The following DDHD1 variants were observed in gnomAD, a reference collection of about 807,000 sequenced individuals.
DDHD1 encodes the protein phospholipase DDHD1.
Under a neutral mutation model 96.4 loss-of-function variants are expected in DDHD1, and 49 were observed. The ratio of observed to expected loss-of-function variants is 0.51; its 90% CI spans 0.40 to 0.64. DDHD1 has a LOEUF of 0.64. Among genes scored for constraint, DDHD1 ranks in the 30% least tolerant of loss-of-function variants. DDHD1 has a pLI of 0.00. For synonymous variants in DDHD1, 442 were observed against 446.5 expected, an observed-to-expected ratio of 0.99 and a Z score of 0.13; for missense variants, 1,106 against 1,161.2, an observed-to-expected ratio of 0.95 and a Z score of 0.69.
intron 12 of DDHD1, 90 bp downstream of exon 12, chr14:53,051,754 A>T (rs1055386571): frequency 9.7e-7 from 1 of 1,030,024 alleles, no homozygotes; most frequent in Non-Finnish European, 1.4e-6. Flanking sequence ...GATCTCATAG[A>T]AGAACTGATC....
intron 1 of DDHD1, among the ~76,000 whole-genome samples, chr14:53,118,528 T>C (rs373905064): frequency 6.6e-6 from 1 of 152,140 alleles, no homozygotes; most frequent in Non-Finnish European, 1.5e-5. Context: ...TAAGCTTCAA[T>C]AGCCGATTCA....
chr14:53,083,280 T>A (rs1163536776), intron 4 of DDHD1, among the ~76,000 whole-genome samples: 1 of 152,222 alleles, frequency 6.6e-6, no homozygotes, highest in Non-Finnish European at 1.5e-5. Context: ...TGTGTTTAAC[T>A]GAAAACCTCT....
rs376587925 is a variant in DDHD1, at chr14:53,039,501, AG to A, written c.*7266del. On this transcript the variant is annotated 3_prime_UTR_variant, in exon 13 of 13. Coordinates refer to ENST00000673822, the MANE Select transcript of DDHD1 (RefSeq NM_001160148.2). ...TGCTGATTGAGCTGCTGGTGCTTAC[AG>A]GGACTCACACAAAGCAGAAAATAAT... is the stretch of plus-strand genomic sequence containing the variant. 21 of 152,346 alleles carry A rather than the reference AG, an allele frequency of 1.4e-4. No individual in the cohort carries two copies. Among genetic ancestry groups the A allele is most frequent in the African/African-American group, 5.1e-4 (21 of 41,450 alleles). The allele number at this position is 152,346 out of a possible 1,614,324, so 9.4% of individuals were successfully genotyped here. A position where few individuals can be genotyped will look rare whatever the true frequency, so the allele number is the denominator to read the frequency against.
chr14:53,134,677 A>G (rs959751122), intron 1 of DDHD1, among the ~76,000 whole-genome samples: 5 of 151,976 alleles, frequency 3.3e-5, no homozygotes, highest in African/African-American at 1.2e-4. Context: ...GGCCTGGTAT[A>G]TGACAACATA....
chr14:53,120,010 A>G (rs896663301), intron 1 of DDHD1, among the ~76,000 whole-genome samples: 2 of 152,180 alleles, frequency 1.3e-5, no homozygotes, highest in African/African-American at 4.8e-5. Flanking sequence ...AGGAAATCAA[A>G]TTGTCTCTGC....
At chr14:53,053,917 T>TG (rs1363412135) in intron 11 of DDHD1, 1 of 152,220 alleles carries the variant, frequency 6.6e-6, no homozygotes, top group African/African-American at 2.4e-5. Flanking sequence ...AACTATCCAT[T>TG]TATTTACTCA....
intron 7 of DDHD1, among the ~76,000 whole-genome samples, chr14:53,061,825 G>A (rs1165178910): frequency 1.3e-5 from 2 of 152,026 alleles, no homozygotes; most frequent in Non-Finnish European, 2.9e-5. Flanking sequence ...CTTAAGGTCA[G>A]GAGTTCAAGA....
At chr14:53,070,439 A>AT (rs1182434316) in intron 6 of DDHD1, among the ~76,000 whole-genome samples, 15 of 152,212 alleles carry the variant, frequency 9.9e-5, no homozygotes, top group Admixed American at 6.5e-4. Context: ...TAATTCTATC[A>AT]TATTTTGAAT....
intron 4 of DDHD1, among the ~76,000 whole-genome samples, chr14:53,090,543 C>T (rs914744473): frequency 6.6e-6 from 1 of 152,138 alleles, no homozygotes; most frequent in Non-Finnish European, 1.5e-5. Context: ...ATGACACAGC[C>T]ATAAAAAAGG....
rs933692872 is a variant in DDHD1, at chr14:53,055,668, C to T, written c.2237G>A (p.Ser746Asn). Residue 746 changes from serine (S) to asparagine (N), a missense_variant, in exon 10 of 13, where the codon AGC (serine) becomes AAC (asparagine). Around this residue, in one of 2 missense-constraint regions of DDHD1, gnomAD observed 650 missense variants for 758.8 expected, o/e 0.86. Transcript: ENST00000673822. ...GESITNIGKASILGAASIGKG... is the reference protein window; with the variant it reads ...GESITNIGKANILGAASIGKG... ...TACATAAGAGAAATTACCTAATATG[C>T]TTGCTTTGCCTATATTTGTTATAGA... 1.9e-6 allele frequency: 3 copies of T among 1,613,818 alleles called. No homozygotes were observed. Among genetic ancestry groups the T allele is most frequent in the Non-Finnish European group, 2.5e-6 (3 of 1,179,892 alleles).
intron 1 of DDHD1, among the ~76,000 whole-genome samples, chr14:53,123,272 A>G (rs1434176201): frequency 6.6e-6 from 1 of 151,692 alleles, no homozygotes; most frequent in Non-Finnish European, 1.5e-5. Flanking sequence ...TCAGCCTCCC[A>G]AGTAGCTGGA....
intron 11 of DDHD1, chr14:53,052,949 T>C (rs899370650): frequency 2.7e-5 from 4 of 148,854 alleles, no homozygotes; most frequent in Non-Finnish European, 4.5e-5. Flanking sequence ...GGGGTTTCTC[T>C]ATTATTTTGA....
intron 1 of DDHD1, among the ~76,000 whole-genome samples, chr14:53,110,007 G>A (rs1887990218): frequency 6.6e-6 from 1 of 152,084 alleles, no homozygotes; most frequent in African/African-American, 2.4e-5. Flanking sequence ...GAAAAAAATT[G>A]AACAAAACAA....
chr14:53,075,053 G>A (rs372614080), intron 4 of DDHD1, among the ~76,000 whole-genome samples: 23 of 152,194 alleles, frequency 1.5e-4, no homozygotes, highest in African/African-American at 4.8e-4. Flanking sequence ...GAGGGCTTCC[G>A]TATTATCCCT....
Position 53,055,589 on chromosome 14 carries a change from T to C in DDHD1, c.2245+71A>G, listed in dbSNP as rs928070232. The C allele has an allele frequency of 1.3e-5, 18 of 1,366,420 alleles. No homozygotes were observed. The Admixed American group carries it at 3.8e-4, about 29-fold the overall frequency. The allele number at this position is 1,366,420 out of a possible 1,614,324, so 84.6% of individuals were successfully genotyped here. ...GGGAGTTTCCTAATACATAGAATAC[T>C]TCTAGTCCCCCAAACTTATGTCTAG... On this transcript the variant is annotated intron_variant, in intron 10 of 12. Transcript: ENST00000673822.
chr14:53,065,346 A>G (rs184254642), intron 6 of DDHD1, among the ~76,000 whole-genome samples: 2 of 152,328 alleles, frequency 1.3e-5, no homozygotes, highest in East Asian at 3.9e-4. Flanking sequence ...TATCAATTAA[A>G]TAATTCAAAT....
At chr14:53,074,792 T>C (rs1884813582) in intron 4 of DDHD1, among the ~76,000 whole-genome samples, 3 of 152,138 alleles carry the variant, frequency 2.0e-5, no homozygotes, top group Admixed American at 2.0e-4. Flanking sequence ...TGCCTTTTTC[T>C]CCACTTTTTA....
chr14:53,105,321 A>C (rs1887605128), intron 1 of DDHD1, among the ~76,000 whole-genome samples: 1 of 152,104 alleles, frequency 6.6e-6, no homozygotes, highest in South Asian at 2.1e-4. Context: ...TTCAGGTTTG[A>C]GACAAGAAAT....
chr14:53,118,836 G>C (rs1017281136), intron 1 of DDHD1, among the ~76,000 whole-genome samples: 4 of 152,124 alleles, frequency 2.6e-5, no homozygotes, highest in Admixed American at 6.6e-5. Flanking sequence ...TCTTCGAGAA[G>C]AGCAACCCCA....
Sources: allele counts gnomAD v4.1 joint callset (sites outside exome capture counted in the v4.1 genomes callset), GRCh38; gene constraint gnomAD v4.1.1; regional missense constraint gnomAD v4.1.1; transcripts MANE v1.5; gene names NCBI Gene and HGNC (gene_info 2026-07-23, HGNC 2026-07-21).